The following PACS1 variants were observed in gnomAD, a reference collection of about 807,000 sequenced individuals.
PACS1 encodes the protein PACS-1.
In PACS1, 24 loss-of-function variants were observed where a neutral mutation model predicts 115.0. The ratio of observed to expected loss-of-function variants is 0.21; its 90% CI spans 0.15 to 0.29. The LOEUF (loss-of-function observed/expected upper bound fraction) is 0.29, where lower values mean the gene tolerates loss of function less well. Among genes scored for constraint, PACS1 ranks in the 10% least tolerant of loss-of-function variants. The probability of loss-of-function intolerance (pLI) is 1.00; values close to 1 mark genes in which losing one functional copy is unlikely to be tolerated. For synonymous variants in PACS1, 453 were observed against 504.5 expected, an observed-to-expected ratio of 0.90 and a Z score of 1.37; for missense variants, 838 against 1,251.2, an observed-to-expected ratio of 0.67 and a Z score of 4.98.
chr11:66,095,576 G>C (rs1857761684), intron 1 of PACS1, among the ~76,000 whole-genome samples: 2 of 152,208 alleles, frequency 1.3e-5, no homozygotes, highest in Admixed American at 1.3e-4. Flanking sequence ...TCCTGCCTCA[G>C]CCTCCTGAAC....
At chr11:66,124,807 A>T (rs769647993) in intron 1 of PACS1, among the ~76,000 whole-genome samples, 27 of 152,220 alleles carry the variant, frequency 1.8e-4, no homozygotes, top group Non-Finnish European at 3.2e-4. Flanking sequence ...TCAGAAAACA[A>T]AAGTCTGGGG....
intron 2 of PACS1, among the ~76,000 whole-genome samples, chr11:66,196,672 A>T (rs1022713530): frequency 2.6e-5 from 4 of 152,048 alleles, no homozygotes; most frequent in African/African-American, 9.7e-5. Context: ...ATCTCGGCTC[A>T]CTGCAATCTC....
At chr11:66,122,846 A>T (rs556737929) in intron 1 of PACS1, among the ~76,000 whole-genome samples, 6 of 152,344 alleles carry the variant, frequency 3.9e-5, no homozygotes, top group African/African-American at 1.4e-4. Context: ...GATGCTGTGA[A>T]CACTGTTGAA....
chr11:66,242,783 C>G, intron 22 of PACS1, 129 bp from the exon 23 acceptor site: 2 of 1,243,324 alleles, frequency 1.6e-6, no homozygotes, highest in South Asian at 1.4e-5. Context: ...CAGCCCAGTG[C>G]CAGGGAGGAG....
At chr11:66,122,331 C>T (rs891198383) in intron 1 of PACS1, among the ~76,000 whole-genome samples, 1 of 152,168 alleles carries the variant, frequency 6.6e-6, no homozygotes, top group African/African-American at 2.4e-5. Context: ...CACCTGGTCA[C>T]CCAAAATTCA....
At chr11:66,164,833 C>T (rs924612747) in intron 1 of PACS1, among the ~76,000 whole-genome samples, 1 of 151,844 alleles carries the variant, frequency 6.6e-6, no homozygotes, top group Non-Finnish European at 1.5e-5. Context: ...CACATCTCTT[C>T]CCTATATTCT....
At chr11:66,220,895 C>A in intron 9 of PACS1, 104 bp downstream of exon 9, 1 of 1,280,630 alleles carries the variant, frequency 7.8e-7, no homozygotes, top group Non-Finnish European at 1.1e-6. Flanking sequence ...GAATCTTGGT[C>A]CTTCATCCTT....
chr11:66,233,789 A>G lies in PACS1; in HGVS notation c.1843A>G (p.Asn615Asp). ...ALLTRIQRYC[N>D]CNSSMPRPVK... ...GACGCTCCCCTTCCTCCCCAGCTGC[A>G]ACTGCAACTCTTCCATGCCGAGGCC... The change falls in exon 16 of 24, where the codon AAC becomes GAC. Residue 615 changes from asparagine (N) to aspartate (D), a missense_variant. Physicochemically the swap from Asn to Asp is conservative, Grantham distance 23. Transcript: ENST00000320580. This position sits in a 1 kb window ranked among gnomAD's most constrained non-coding sequence, Gnocchi z 4.5. 1 of 1,613,584 alleles carries G rather than the reference A, an allele frequency of 6.2e-7. No individual in the cohort carries two copies.
chr11:66,230,166 A>G (rs1411251879), intron 11 of PACS1, among the ~76,000 whole-genome samples: 1 of 149,982 alleles, frequency 6.7e-6, no homozygotes, highest in Non-Finnish European at 1.5e-5. Context: ...AAAAAAAAAA[A>G]GGAATGGGGC....
intron 2 of PACS1, 109 bp downstream of exon 2, chr11:66,193,682 C>A (rs1854583667): frequency 1.4e-6 from 1 of 710,536 alleles, no homozygotes; most frequent in African/African-American, 1.7e-5. Flanking sequence ...TTCCTCCTCT[C>A]AGCACAGCAA....
chr11:66,237,273 G>T (rs1855723721), intron 19 of PACS1, among the ~76,000 whole-genome samples: 1 of 151,568 alleles, frequency 6.6e-6, no homozygotes, highest in African/African-American at 2.4e-5. Flanking sequence ...TGGTGCCCAG[G>T]CTGGTCTCAA....
rs946261000 is a variant in PACS1, at chr11:66,233,300, A to T, written c.1838+234A>T. Among the ~76,000 whole-genome samples the T allele has an allele frequency of 1.3e-5, 2 of 151,546 alleles. No homozygotes were observed. The highest frequency in any genetic ancestry group is 4.8e-5 in the African/African-American group (2 of 41,246). On this transcript the variant is annotated intron_variant, in intron 15 of 23. Coordinates refer to ENST00000320580, the MANE Select transcript of PACS1 (RefSeq NM_018026.4). The surrounding 1 kb of genome is among the most constrained non-coding windows in gnomAD (Gnocchi z 4.5). The stretch of plus-strand genomic sequence containing the variant: ...CTGTGCTCCCTGCCTCCCTGCCTGG[A>T]CCCCCGCCATGCCTTGACTTGCTTT...
At chr11:66,193,820 C>A (rs1360663795) in intron 2 of PACS1, among the ~76,000 whole-genome samples, 2 of 152,206 alleles carry the variant, frequency 1.3e-5, no homozygotes, top group African/African-American at 2.4e-5. Context: ...CCTACACATA[C>A]TGTGAGGATC....
intron 1 of PACS1, among the ~76,000 whole-genome samples, chr11:66,096,823 G>A (rs994026288): frequency 6.6e-6 from 1 of 151,356 alleles, no homozygotes; most frequent in Admixed American, 6.6e-5. Flanking sequence ...TCTTACACAG[G>A]TGTTTTTACA....
intron 1 of PACS1, among the ~76,000 whole-genome samples, chr11:66,173,056 ACT>A (rs970477437): frequency 4.0e-5 from 6 of 148,976 alleles, no homozygotes; most frequent in African/African-American, 9.8e-5. Flanking sequence ...CTGGTAGTAA[ACT>A]CTGTTTTTAT....
At chr11:66,093,038 T>C (rs1857695820) in intron 1 of PACS1, among the ~76,000 whole-genome samples, 1 of 152,160 alleles carries the variant, frequency 6.6e-6, no homozygotes, top group Non-Finnish European at 1.5e-5. Context: ...AGTAGTTTTT[T>C]CCAATTCTGT....
intron 10 of PACS1, among the ~76,000 whole-genome samples, chr11:66,224,769 A>G: frequency 6.6e-6 from 1 of 152,182 alleles, no homozygotes; most frequent in East Asian, 1.9e-4. Context: ...TCTTAAATGG[A>G]GAACTTCTGA....
In PACS1 at chr11:66,230,617, C is replaced by A; in HGVS notation, c.1444C>A (p.Pro482Thr). The change falls in exon 12 of 24, where the codon CCC becomes ACC. Residue 482 changes from proline (P) to threonine (T), a missense_variant. Pro to Thr is a conservative substitution (Grantham distance 38, BLOSUM62 -1). This residue lies in a region of PACS1 where 383 missense variants were observed against 537.0 expected (regional missense o/e 0.71). Coordinates refer to ENST00000320580, the MANE Select transcript of PACS1 (RefSeq NM_018026.4). ...GGTTGTGCCGGAGAAAGTCAAAACT[C>A]CCATGAAGTCCAGTAAAACGGATCT... ...SLVVPEKVKT[P>T]MKSSKTDLQG... is the part of the protein sequence containing the mutation. 1 of 1,614,132 alleles carries A rather than the reference C, an allele frequency of 6.2e-7. No homozygotes were observed. The highest frequency in any genetic ancestry group is 8.5e-7 in the Non-Finnish European group (1 of 1,179,996).
At position 66,129,644 on chromosome 11, in the gene PACS1, G is replaced by A. The variant is rs116580650; in HGVS notation, c.356+58802G>A. Among the ~76,000 whole-genome samples the A allele has an allele frequency of 5.4e-3, 815 of 152,064 alleles. 10 individuals are homozygous for A. Among genetic ancestry groups the A allele is most frequent in the African/African-American group, 0.019 (769 of 41,488 alleles). On this transcript the variant is annotated intron_variant, in intron 1 of 23. Transcript: ENST00000320580. ...TTTTTGTGTATTATACACATAGTGT[G>A]GAATCAGTAGTGTCAGAAGTGTGAG...
Sources: allele counts gnomAD v4.1 joint callset (sites outside exome capture counted in the v4.1 genomes callset), GRCh38; gene constraint gnomAD v4.1.1; regional missense constraint gnomAD v4.1.1; non-coding constraint Gnocchi (gnomAD v3.1); transcripts MANE v1.5; gene names NCBI Gene and HGNC (gene_info 2026-07-23, HGNC 2026-07-21).